PDE3A: variants seen among roughly 807,000 people sequenced by gnomAD.
PDE3A encodes cGMP-inhibited 3',5'-cyclic phosphodiesterase 3A.
Under a neutral mutation model 98.3 loss-of-function variants are expected in PDE3A, and 43 were observed. The ratio of observed to expected loss-of-function variants is 0.44; its 90% CI spans 0.34 to 0.56. The LOEUF (loss-of-function observed/expected upper bound fraction) is 0.56, where lower values mean the gene tolerates loss of function less well. PDE3A is among the 20% of genes least tolerant of loss of function. PDE3A has a pLI of 0.01. For missense variants in PDE3A, 1,427 were observed against 1,440.7 expected (o/e 0.99, Z 0.15); for synonymous variants, 663 against 567.9 (o/e 1.17, Z -2.38).
chr12:20,498,275 C>T (rs1317230724), intron 1 of PDE3A, among the ~76,000 whole-genome samples: 2 of 139,666 alleles, frequency 1.4e-5, no homozygotes, highest in African/African-American at 2.5e-5. Flanking sequence ...ATACCGCCCA[C>T]CCCCCCAACT....
chr12:20,567,212 A>AACTT (rs1464369768), intron 2 of PDE3A, among the ~76,000 whole-genome samples: 1 of 151,994 alleles, frequency 6.6e-6, no homozygotes, highest in Non-Finnish European at 1.5e-5. Flanking sequence ...ATAATTTATG[A>AACTT]ACTTACTTAA....
intron 2 of PDE3A, among the ~76,000 whole-genome samples, chr12:20,607,144 AAACTG>A (rs1430144158): frequency 6.6e-6 from 1 of 152,040 alleles, no homozygotes; most frequent in Non-Finnish European, 1.5e-5. Context: ...AGTTGTTTAA[AAACTG>A]AGTACTCAGT....
At chr12:20,607,775 C>T (rs895252291) in intron 2 of PDE3A, among the ~76,000 whole-genome samples, 12 of 151,710 alleles carry the variant, frequency 7.9e-5, no homozygotes, top group African/African-American at 1.9e-4. Context: ...GACTCAACTG[C>T]GATTTTGTGC....
chr12:20,655,821 T>C (rs1349396436), intron 15 of PDE3A, among the ~76,000 whole-genome samples: 1 of 152,098 alleles, frequency 6.6e-6, no homozygotes, highest in African/African-American at 2.4e-5. Context: ...GGAGCAAGGA[T>C]AGACATAGGG....
intron 2 of PDE3A, among the ~76,000 whole-genome samples, chr12:20,582,254 C>A (rs1368565961): frequency 6.6e-6 from 1 of 152,110 alleles, no homozygotes. Flanking sequence ...AGTGCAGTGG[C>A]ATGATCTTGG....
intron 1 of PDE3A, among the ~76,000 whole-genome samples, chr12:20,385,984 A>AATATATATAAAATATATAT (rs1943753702): frequency 3.0e-5 from 3 of 98,412 alleles, no homozygotes; most frequent in East Asian, 5.5e-4. Context: ...ATTAATATAT[A>AATATATATAAAATATATAT]ATATATATAA....
intron 1 of PDE3A, 145 bp downstream of exon 1, chr12:20,370,389 GTTTTTTTTTTGTTTTTTTTGTTTT>G: frequency 2.1e-5 from 9 of 424,948 alleles, no homozygotes; most frequent in Non-Finnish European, 2.3e-5. Flanking sequence ...AAACTAGCAG[GTTTTTTTTTTGTTTTTTTTGTTTT>G]TTTTTTTTTG....
rs78552711 is a variant in PDE3A, at chr12:20,687,736, T to A, written c.*7465T>A. The stretch of plus-strand genomic sequence containing the variant: ...AGCTCTCAATGCAAAATAATAAAAA[T>A]GAGATTCTCCCTGGCTTTCTATAAT... On this transcript the variant is annotated 3_prime_UTR_variant, in exon 16 of 16. Coordinates refer to ENST00000359062, the MANE Select transcript of PDE3A (RefSeq NM_000921.5). Among the ~76,000 whole-genome samples, 6,325 of 151,812 alleles carry A rather than the reference T, an allele frequency of 0.042. 137 individuals carry two copies. The highest frequency in any genetic ancestry group is 0.068 in the Middle Eastern group (20 of 294).
intron 2 of PDE3A, chr12:20,572,283 G>C (rs1942818011): frequency 3.5e-6 from 1 of 282,738 alleles, no homozygotes; most frequent in South Asian, 4.0e-5. Context: ...TCAAGTTTAT[G>C]ATAAACTGGC....
chr12:20,678,091 C>T (rs953113051), intron 15 of PDE3A, among the ~76,000 whole-genome samples: 6 of 152,124 alleles, frequency 3.9e-5, no homozygotes, highest in African/African-American at 1.4e-4. Context: ...AATGCCATCA[C>T]ATGATTTCCA....
At chr12:20,500,668 T>A (rs1377403779) in intron 1 of PDE3A, among the ~76,000 whole-genome samples, 2 of 152,088 alleles carry the variant, frequency 1.3e-5, no homozygotes, top group African/African-American at 2.4e-5. Context: ...AATATGTTCC[T>A]CAAGTTGTTT....
chr12:20,625,398 G>A (rs998908997), intron 5 of PDE3A, among the ~76,000 whole-genome samples: 5 of 152,020 alleles, frequency 3.3e-5, no homozygotes, highest in Non-Finnish European at 5.9e-5. Context: ...TTTGGCTGCC[G>A]ACTGCAGTGA....
Position 20,552,442 on chromosome 12 carries a change from A to T in PDE3A, c.961-4218A>T. ...CCGGATCAAGAAGCTGGGGCTGACC[A>T]TGCAGTATCCAGAAGGCTACCTGGA... On this transcript the variant is annotated intron_variant, in intron 1 of 15. Coordinates refer to ENST00000359062, the MANE Select transcript of PDE3A (RefSeq NM_000921.5). The surrounding 1 kb of genome is among the most constrained non-coding windows in gnomAD (Gnocchi z 5.1). 6.2e-7 allele frequency: 1 copy of T among 1,612,894 alleles called. No homozygotes were observed. Among genetic ancestry groups the T allele is most frequent in the Non-Finnish European group, 8.5e-7 (1 of 1,179,778 alleles).
intron 1 of PDE3A, among the ~76,000 whole-genome samples, chr12:20,532,692 T>C (rs1326005469): frequency 6.7e-6 from 1 of 148,194 alleles, no homozygotes; most frequent in Non-Finnish European, 1.5e-5. Context: ...TCTCTCTTTT[T>C]TTTTTTTTTT....
intron 1 of PDE3A, among the ~76,000 whole-genome samples, chr12:20,469,398 G>T (rs1255732282): frequency 6.6e-6 from 1 of 152,124 alleles, no homozygotes; most frequent in Non-Finnish European, 1.5e-5. Flanking sequence ...TATGCTCGCA[G>T]TCGTAGTCCA....
Position 20,653,744 on chromosome 12 carries a change from G to T in PDE3A, c.2926-203G>T, listed in dbSNP as rs1210958426. 2.0e-5 allele frequency among the ~76,000 whole-genome samples: 3 copies of T among 152,140 alleles called. No individual in the cohort carries two copies. In the East Asian group the frequency reaches 5.8e-4, roughly 29 times the overall value. On this transcript the variant is annotated intron_variant, in intron 14 of 15. Coordinates refer to ENST00000359062, the MANE Select transcript of PDE3A (RefSeq NM_000921.5). ...TTATACATTAGAATTTAGACTTTCT[G>T]TATTTCTCCTTGATAAAAAGCAAAA... is the stretch of plus-strand genomic sequence containing the variant.
chr12:20,664,783 C>CT (rs1386788810), intron 15 of PDE3A, among the ~76,000 whole-genome samples: 2 of 152,126 alleles, frequency 1.3e-5, no homozygotes, highest in South Asian at 4.2e-4. Context: ...CATTAAACCT[C>CT]TTTTTTCTTT....
rs758904021 is a variant in PDE3A at position 20,654,210 on chromosome 12, G to A, written c.3184+5G>A. Reference sequence around the variant, plus strand: ...GTGAAAATAATGAATCTCCAAGTAAGTTCTAAAACCTAGTTCTAATGTGTT... The same window carrying A: ...GTGAAAATAATGAATCTCCAAGTAAATTCTAAAACCTAGTTCTAATGTGTT... On this transcript the variant is annotated splice_donor_5th_base_variant and intron_variant, in intron 15 of 15. Coordinates refer to ENST00000359062, the MANE Select transcript of PDE3A (RefSeq NM_000921.5). 2.3e-5 allele frequency: 37 copies of A among 1,613,498 alleles called. 1 individual carries two copies. The South Asian group carries it at 3.7e-4, about 16-fold the overall frequency.
rs770722234 is a variant in PDE3A at position 20,621,402 on chromosome 12, A to G, written c.1531A>G (p.Ser511Gly). The G allele has an allele frequency of 6.9e-6, 11 of 1,586,234 alleles. No homozygotes were observed. In the East Asian group the frequency reaches 2.2e-4, roughly 32 times the overall value. Residue 511 changes from serine (S) to glycine (G), a missense_variant, in exon 5 of 16, where the codon AGT becomes GGT. Around this residue, in one of 3 missense-constraint regions of PDE3A, gnomAD observed 1,012 missense variants for 886.5 expected, o/e 1.14. Transcript: ENST00000359062. ...TAACCATGTAAAGGCTAAAAAGCAA[A>G]GTCGACCAGGTAAGTAACTTAACTG... ...AANHVKAKKQ[S>G]RPGALAKISP...
Sources: gnomAD v4.1 joint callset for allele counts (sites outside exome capture counted in the v4.1 genomes callset) on GRCh38, gnomAD v4.1.1 for gene constraint, gnomAD v4.1.1 regional missense constraint, Gnocchi (gnomAD v3.1) non-coding constraint, MANE v1.5 for transcripts, NCBI Gene and HGNC (gene_info 2026-07-23, HGNC 2026-07-21) for gene names.